Variants in MGAM2 observed in about 807,000 individuals in gnomAD.
MGAM2 encodes the protein maltase-glucoamylase 2 (putative).
A neutral mutation model predicts 96.1 loss-of-function variants in MGAM2; 98 were observed. The observed-to-expected ratio is 1.02, with a 90% confidence interval of 0.87 to 1.21. The LOEUF (loss-of-function observed/expected upper bound fraction) is 1.21. Among genes scored for constraint, MGAM2 ranks in the 50% most tolerant of loss-of-function variants. The probability of loss-of-function intolerance (pLI) is 0.00; values close to 1 mark genes in which losing one functional copy is unlikely to be tolerated. For missense variants in MGAM2, 2,055 were observed against 1,182.4 expected (o/e 1.74, Z -10.82); for synonymous variants, 749 against 414.8 (o/e 1.81, Z -9.79).
At chr7:142,136,961 T>C (rs1168513691) in intron 8 of MGAM2, among the ~76,000 whole-genome samples, 1 of 152,198 alleles carries the variant, frequency 6.6e-6, no homozygotes, top group African/African-American at 2.4e-5. Flanking sequence ...GCTTTCTGTC[T>C]GTAGGCAACA....
rs1249903260 is a variant in MGAM2, at chr7:142,218,388, A to G, written c.5215A>G (p.Asn1739Asp). 1.4e-6 allele frequency: 1 copy of G among 699,856 alleles called. No homozygotes were observed. Among genetic ancestry groups the G allele is most frequent in the Non-Finnish European group, 2.6e-6 (1 of 383,922 alleles). The allele number at this position is 699,856 out of a possible 1,614,324, so 43.4% of individuals were successfully genotyped here. A position where few individuals can be genotyped will look rare whatever the true frequency, so the allele number is the denominator to read the frequency against. The change falls in exon 47 of 48, where the codon AAT (asparagine) becomes GAT (aspartate). Residue 1739 changes from asparagine (N) to aspartate (D), a missense_variant. Coordinates refer to ENST00000477922, the MANE Select transcript of MGAM2 (RefSeq NM_001293626.2). ...QNILQIQTIH[N>D]KYLSDSNPLK... ...CATCCTGCAAATCCAGACCATACAC[A>G]ATAAGTATTTGAGTGACTCGAATCC...
chr7:142,218,325 G>A (rs1373681316), intron 46 of MGAM2, 36 bp from the exon 47 acceptor site: 2 of 634,924 alleles, frequency 3.1e-6, no homozygotes. Context: ...TCAACAATAT[G>A]TTATGTATTC....
intron 23 of MGAM2, among the ~76,000 whole-genome samples, chr7:142,164,103 C>CT (rs1395810762): frequency 6.6e-6 from 1 of 151,916 alleles, no homozygotes; most frequent in Non-Finnish European, 1.5e-5. Context: ...AACCTTTGAC[C>CT]TGTGTATGTC....
At chr7:142,179,399 T>C (rs1796471558) in intron 32 of MGAM2, among the ~76,000 whole-genome samples, 1 of 152,180 alleles carries the variant, frequency 6.6e-6, no homozygotes, top group Non-Finnish European at 1.5e-5. Flanking sequence ...CTATGTTAAA[T>C]AGGAGTGATG....
Position 142,171,340 on chromosome 7 carries a change from C to G in MGAM2, c.3251C>G (p.Ser1084Cys). The change falls in exon 28 of 48, where the codon TCC (serine) becomes TGC (cysteine). Residue 1084 changes from serine (S) to cysteine (C), a missense_variant. Coordinates refer to ENST00000477922, the MANE Select transcript of MGAM2 (RefSeq NM_001293626.2). The stretch of plus-strand genomic sequence containing the variant: ...CTCTCCATTTCTACGCGTCTGCCGT[C>G]CCAGTACATCTATGGCTTTGGGGAA... ...MFLSISTRLP[S>C]QYIYGFGETE... The G allele has an allele frequency of 2.8e-6, 2 of 703,118 alleles. No individual in the cohort carries two copies. The highest frequency in any genetic ancestry group is 5.2e-6 in the Non-Finnish European group (2 of 384,918). The allele number at this position is 703,118 out of a possible 1,614,324, so 43.6% of individuals were successfully genotyped here. A position where few individuals can be genotyped will look rare whatever the true frequency, so the allele number is the denominator to read the frequency against.
chr7:142,155,776 A>G (rs1795716335), intron 17 of MGAM2, among the ~76,000 whole-genome samples: 1 of 152,224 alleles, frequency 6.6e-6, no homozygotes, highest in Non-Finnish European at 1.5e-5. Context: ...AGGTTTAAGC[A>G]CGTATGTCCT....
intron 33 of MGAM2, among the ~76,000 whole-genome samples, chr7:142,184,324 C>T (rs969752136): frequency 1.3e-5 from 2 of 152,136 alleles, no homozygotes; most frequent in African/African-American, 2.4e-5. Flanking sequence ...AATATCTTCA[C>T]TTCAAGATCA....
chr7:142,197,765 A>T (rs1191725172), intron 42 of MGAM2, 37 bp downstream of exon 42: 1 of 702,834 alleles, frequency 1.4e-6, no homozygotes, highest in South Asian at 1.5e-5. Context: ...ACCTTCAATC[A>T]CATGATCTAA....
chr7:142,194,823 A>C (rs1397386570), intron 37 of MGAM2, among the ~76,000 whole-genome samples: 2 of 152,000 alleles, frequency 1.3e-5, no homozygotes, highest in Non-Finnish European at 2.9e-5. Context: ...ACTTTTCCTG[A>C]CATCATTTAT....
Position 142,136,528 on chromosome 7 carries a change from GT to G in MGAM2, c.748-9del. On this transcript the variant is annotated splice_polypyrimidine_tract_variant and intron_variant, in intron 7 of 47. Coordinates refer to ENST00000477922, the MANE Select transcript of MGAM2 (RefSeq NM_001293626.2). ...CACATAACACTATGACTTTTCTTCT[GT>G]TTTGCTGATAGGGCATGATTAATCT... 1.5e-6 allele frequency: 1 copy of G among 665,982 alleles called. No homozygotes were observed. Among genetic ancestry groups the G allele is most frequent in the South Asian group, 1.7e-5 (1 of 59,916 alleles). The allele number at this position is 665,982 out of a possible 1,614,324, so 41.3% of individuals were successfully genotyped here.
Position 142,197,710 on chromosome 7 carries a change from C to G in MGAM2, c.4848C>G (p.Ile1616Met), listed in dbSNP as rs1797093556. The change falls in exon 42 of 48, where the codon ATC becomes ATG. Residue 1616 changes from isoleucine to methionine, a missense_variant. Ile to Met is a conservative substitution (Grantham distance 10, BLOSUM62 1). Transcript: ENST00000477922. Reference sequence around the variant, plus strand: ...TCATGTTGGGCCCTGCTATCTTAATCAGCCCTGTGTTGGAAACTGTGAGTT... The same window carrying G: ...TCATGTTGGGCCCTGCTATCTTAATGAGCCCTGTGTTGGAAACTGTGAGTT... ...RQFMLGPAIL[I>M]SPVLETSTFE... 3 of 702,960 alleles carry G rather than the reference C, an allele frequency of 4.3e-6. No homozygotes were observed. In the East Asian group the frequency reaches 8.0e-5, roughly 19 times the overall value. The allele number at this position is 702,960 out of a possible 1,614,324, so 43.5% of individuals were successfully genotyped here. A position where few individuals can be genotyped will look rare whatever the true frequency, so the allele number is the denominator to read the frequency against.
chr7:142,170,040 C>A, intron 26 of MGAM2, 35 bp from the exon 27 acceptor site: 2 of 683,610 alleles, frequency 2.9e-6, no homozygotes, highest in Non-Finnish European at 5.3e-6. Context: ...AGGTCTGAGA[C>A]CCTAACAGAA....
Position 142,189,626 on chromosome 7 carries a change from C to T in MGAM2, c.4346+121C>T, listed in dbSNP as rs935428914. The T allele has an allele frequency of 2.7e-4, 129 of 483,884 alleles. 1 individual carries two copies. In the East Asian group the frequency reaches 4.3e-3, roughly 16 times the overall value. The allele number at this position is 483,884 out of a possible 1,614,324, so 30.0% of individuals were successfully genotyped here. A position where few individuals can be genotyped will look rare whatever the true frequency, so the allele number is the denominator to read the frequency against. On this transcript the variant is annotated intron_variant, in intron 37 of 47. Coordinates refer to ENST00000477922, the MANE Select transcript of MGAM2 (RefSeq NM_001293626.2). ...GTTAAATGGGTTAAAGTCAAAATTT[C>T]AGGCACGGTTGCCCAAGCAACCACC...
At chr7:142,129,552 C>T (rs139786056) in intron 3 of MGAM2, among the ~76,000 whole-genome samples, 9 of 151,950 alleles carry the variant, frequency 5.9e-5, no homozygotes, top group East Asian at 1.9e-4. Context: ...AGGCCAGGCG[C>T]GGTGGCTCAT....
At chr7:142,208,276 G>A in intron 45 of MGAM2, 1 of 533,558 alleles carries the variant, frequency 1.9e-6, no homozygotes, top group South Asian at 1.5e-5. Flanking sequence ...GTCTCGCACA[G>A]AATAACCAAA....
intron 23 of MGAM2, among the ~76,000 whole-genome samples, chr7:142,164,289 G>A (rs945156096): frequency 6.6e-6 from 1 of 152,102 alleles, no homozygotes; most frequent in Admixed American, 6.5e-5. Context: ...CCCTAAATAA[G>A]TTATTTAATT....
intron 30 of MGAM2, among the ~76,000 whole-genome samples, 154 bp from the exon 31 acceptor site, chr7:142,173,075 G>A (rs115690146): frequency 0.012 from 1,891 of 152,258 alleles, 35 homozygotes; most frequent in African/African-American, 0.042. Flanking sequence ...TTGCATGTCT[G>A]TAGTTGCTCC....
At chr7:142,172,227 A>T (rs1198227047) in intron 29 of MGAM2, 33 bp downstream of exon 29, 1 of 696,554 alleles carries the variant, frequency 1.4e-6, no homozygotes, top group East Asian at 2.7e-5. Context: ...ATGCACCACC[A>T]GAAACAGCTG....
chr7:142,136,434 A>C (rs1462951979), intron 7 of MGAM2, 107 bp from the exon 8 acceptor site: 2 of 466,918 alleles, frequency 4.3e-6, no homozygotes, highest in Non-Finnish European at 7.6e-6. Flanking sequence ...AAACTACATG[A>C]AGTGTTGACC....
Sources: gnomAD v4.1 joint callset for allele counts (sites outside exome capture counted in the v4.1 genomes callset) on GRCh38, gnomAD v4.1.1 for gene constraint, MANE v1.5 for transcripts, NCBI Gene and HGNC (gene_info 2026-07-23, HGNC 2026-07-21) for gene names.